RNF125: variants seen among roughly 807,000 people sequenced by gnomAD.
The protein encoded by RNF125 is ring finger protein 125.
A neutral mutation model predicts 26.0 loss-of-function variants in RNF125; 21 were observed. The observed-to-expected ratio is 0.81, with a 90% CI of 0.57 to 1.16. The LOEUF is 1.16. Ranked by LOEUF, RNF125 falls within the 50% of genes most tolerant of loss-of-function variation. The pLI is 0.00. For synonymous variants in RNF125, 95 were observed against 109.2 expected, an observed-to-expected ratio of 0.87 and a Z score of 0.81; for missense variants, 270 against 299.4, an observed-to-expected ratio of 0.90 and a Z score of 0.72.
rs575117180 is a variant in RNF125, at chr18:32,057,349, T to C, written c.505-8553T>C. ...CCCAAATGACTTTTTTTTTTTTTTT[T>C]CTGAGACGGAGTTTTGCTGTTGTTG... On this transcript the variant is annotated intron_variant, in intron 4 of 5. Transcript: ENST00000217740. Among the ~76,000 whole-genome samples the C allele has an allele frequency of 2.1e-4, 32 of 150,386 alleles. No homozygotes were observed. The East Asian group carries it at 6.0e-3, about 28-fold the overall frequency.
At chr18:32,076,000 A>G, downstream of RNF125, 1 of 993,028 alleles carries the variant, frequency 1.0e-6, no homozygotes, top group African/African-American at 1.6e-5. Context: ...GGATGGGAGC[A>G]GATTATTCTG....
chr18:32,086,040 T>C, the RNF125 span, among the ~76,000 whole-genome samples: 97 of 152,268 alleles, frequency 6.4e-4, no homozygotes, highest in African/African-American at 2.1e-3. Flanking sequence ...ACTAGAGTAA[T>C]TGAATAATTC....
intron 2 of RNF125, among the ~76,000 whole-genome samples, chr18:32,041,659 C>A: frequency 9.8e-6 from 1 of 102,002 alleles, no homozygotes. Context: ...GAGACGGAGT[C>A]TCGCTCTGTC....
chr18:32,045,118 CAAA>C (rs1189548121), intron 3 of RNF125, among the ~76,000 whole-genome samples: 2 of 115,258 alleles, frequency 1.7e-5, no homozygotes. Flanking sequence ...ACTCCCTCTC[CAAA>C]AAAAAAAAAT....
chr18:32,066,626 G>A (rs555876281), intron 5 of RNF125, among the ~76,000 whole-genome samples: 1 of 152,318 alleles, frequency 6.6e-6, no homozygotes, highest in East Asian at 1.9e-4. Flanking sequence ...TGTCATATAT[G>A]TGCGACCTTG....
chr18:32,032,170 G>A (rs1354193895), intron 1 of RNF125, among the ~76,000 whole-genome samples: 9 of 152,086 alleles, frequency 5.9e-5, no homozygotes, highest in African/African-American at 1.9e-4. Context: ...TCCGCCTCCC[G>A]GGTTCAAGTG....
intron 1 of RNF125, among the ~76,000 whole-genome samples, chr18:32,021,757 A>G (rs2038989103): frequency 6.6e-6 from 1 of 152,204 alleles, no homozygotes; most frequent in South Asian, 2.1e-4. Flanking sequence ...TACCATTTAC[A>G]ATATTTTTCC....
chr18:32,064,316 C>A (rs1328836609), intron 4 of RNF125, among the ~76,000 whole-genome samples: 1 of 147,578 alleles, frequency 6.8e-6, no homozygotes, highest in Non-Finnish European at 1.5e-5. Context: ...TGGGCGGGGA[C>A]AAATTTCCAA....
intron 4 of RNF125, among the ~76,000 whole-genome samples, chr18:32,050,482 T>C (rs943430516): frequency 1.1e-4 from 16 of 152,112 alleles, no homozygotes; most frequent in Admixed American, 2.0e-4. Context: ...CACAACTGGA[T>C]AATTCTTTAA....
At chr18:32,030,435 C>T (rs1419391363) in intron 1 of RNF125, among the ~76,000 whole-genome samples, 1 of 152,148 alleles carries the variant, frequency 6.6e-6, no homozygotes, top group African/African-American at 2.4e-5. Context: ...AATTTGTGGT[C>T]AAGTATGAGC....
intron 3 of RNF125, among the ~76,000 whole-genome samples, chr18:32,045,317 G>A (rs2144483503): frequency 6.6e-6 from 1 of 152,104 alleles, no homozygotes; most frequent in South Asian, 2.1e-4. Context: ...CCAGCACTTT[G>A]GGAGGCCGAG....
chr18:32,027,737 A>G (rs1051501813), intron 1 of RNF125, among the ~76,000 whole-genome samples: 1 of 152,198 alleles, frequency 6.6e-6, no homozygotes, highest in African/African-American at 2.4e-5. Flanking sequence ...TAAAGATTCG[A>G]TACTTTGAGT....
At chr18:32,019,283 C>A (rs77083111) in intron 1 of RNF125, among the ~76,000 whole-genome samples, 4 of 152,138 alleles carry the variant, frequency 2.6e-5, no homozygotes, top group Non-Finnish European at 4.4e-5. Flanking sequence ...AGCCCAGGTG[C>A]GGAACTCCAG....
chr18:32,088,077 T>C, the RNF125 span, among the ~76,000 whole-genome samples: 1 of 152,208 alleles, frequency 6.6e-6, no homozygotes, highest in Non-Finnish European at 1.5e-5. Context: ...GGAACAGTTG[T>C]GTATGTACAT....
At chr18:32,053,692 C>T (rs545909968) in intron 4 of RNF125, among the ~76,000 whole-genome samples, 398 of 151,766 alleles carry the variant, frequency 2.6e-3, no homozygotes, top group Non-Finnish European at 4.3e-3. Flanking sequence ...TGCTTGAGCG[C>T]GGGAGGTAGA....
chr18:32,054,412 C>T (rs1450498865), intron 4 of RNF125, among the ~76,000 whole-genome samples: 3 of 152,130 alleles, frequency 2.0e-5, no homozygotes, highest in African/African-American at 7.2e-5. Flanking sequence ...TATGTATTCT[C>T]AGAAGCCCTT....
At chr18:32,087,570 G>T in the RNF125 span, among the ~76,000 whole-genome samples, 2 of 151,900 alleles carry the variant, frequency 1.3e-5, no homozygotes, top group Non-Finnish European at 2.9e-5. Flanking sequence ...GTTCACAGAA[G>T]TCTTCTTCTG....
intron 2 of RNF125, among the ~76,000 whole-genome samples, chr18:32,037,948 G>A (rs940287320): frequency 6.6e-6 from 1 of 151,966 alleles, no homozygotes; most frequent in African/African-American, 2.4e-5. Flanking sequence ...AGCTAGCAGT[G>A]ACAACCGGCT....
At chr18:32,028,720 T>C (rs1028448470) in intron 1 of RNF125, among the ~76,000 whole-genome samples, 2 of 151,666 alleles carry the variant, frequency 1.3e-5, no homozygotes, top group Non-Finnish European at 2.9e-5. Flanking sequence ...GCCCGGCTAA[T>C]TTTTGTATTT....
Sources: allele counts gnomAD v4.1 joint callset (sites outside exome capture counted in the v4.1 genomes callset), GRCh38; gene constraint gnomAD v4.1.1; transcripts MANE v1.5; gene names NCBI Gene and HGNC (gene_info 2026-07-23, HGNC 2026-07-21).